The following PPFIA2 variants were observed in gnomAD, a reference collection of about 807,000 sequenced individuals.
The protein encoded by PPFIA2 is PPFI scaffold protein A2, also known as liprin-alpha-2.
A neutral mutation model predicts 175.5 loss-of-function variants in PPFIA2; 46 were observed. The ratio of observed to expected loss-of-function variants is 0.26; its 90% CI spans 0.21 to 0.34. The LOEUF is 0.34. Ranked by LOEUF, PPFIA2 falls within the 10% of genes least tolerant of loss-of-function variation. The probability of loss-of-function intolerance (pLI) is 1.00; values close to 1 mark genes in which losing one functional copy is unlikely to be tolerated. For missense variants in PPFIA2, 1,179 were observed against 1,506.1 expected, an observed-to-expected ratio of 0.78 and a Z score of 3.60; for synonymous variants, 568 against 511.4, an observed-to-expected ratio of 1.11 and a Z score of -1.49.
chr12:81,737,015 T>C (rs1473694267), intron 3 of PPFIA2, among the ~76,000 whole-genome samples: 1 of 152,004 alleles, frequency 6.6e-6, no homozygotes, highest in Non-Finnish European at 1.5e-5. Flanking sequence ...CTTCCAGGAA[T>C]GGCAGACTGT....
At position 81,299,303 on chromosome 12, in the gene PPFIA2, C is replaced by G; in HGVS notation, c.2722G>C (p.Glu908Gln). 2 of 1,591,566 alleles carry G rather than the reference C, an allele frequency of 1.3e-6. No individual in the cohort carries two copies. The highest frequency in any genetic ancestry group is 1.7e-6 in the Non-Finnish European group (2 of 1,168,112). Reference protein sequence around the residue: ...WDGPTVVAWLELWLGMPAWYV... With the variant: ...WDGPTVVAWLQLWLGMPAWYV... ...GCCTCCTAGTTTCATTCTCTTACCTCTAGCCATGCGACCACAGTTGGCCCA... is the reference window on the plus strand; with the variant it reads ...GCCTCCTAGTTTCATTCTCTTACCTGTAGCCATGCGACCACAGTTGGCCCA... Residue 908 changes from glutamate to glutamine, a missense_variant and splice_region_variant, in exon 23 of 33, where the codon GAG (glutamate) becomes CAG (glutamine). Physicochemically the swap from Glu to Gln is conservative, Grantham distance 29. This residue lies in a region of PPFIA2 where 44 missense variants were observed against 81.3 expected (regional missense o/e 0.54). Transcript: ENST00000549396.
chr12:81,576,514 A>AT (rs2153421916), intron 4 of PPFIA2, among the ~76,000 whole-genome samples: 1 of 151,764 alleles, frequency 6.6e-6, no homozygotes, highest in African/African-American at 2.4e-5. Context: ...TACTTATTCT[A>AT]TTTTTACTGT....
chr12:81,757,241 A>G (rs1273456849), intron 2 of PPFIA2, among the ~76,000 whole-genome samples: 4 of 152,180 alleles, frequency 2.6e-5, no homozygotes, highest in African/African-American at 9.6e-5. Flanking sequence ...CCGGAAGGCT[A>G]TGGTCATTCA....
intron 2 of PPFIA2, among the ~76,000 whole-genome samples, chr12:81,757,596 A>G (rs1374126783): frequency 6.6e-6 from 1 of 152,146 alleles, no homozygotes; most frequent in Non-Finnish European, 1.5e-5. Context: ...ATATCAGGAA[A>G]ATAACTCCTT....
intron 8 of PPFIA2, among the ~76,000 whole-genome samples, chr12:81,387,558 G>A (rs2039257345): frequency 6.6e-6 from 1 of 152,124 alleles, no homozygotes; most frequent in African/African-American, 2.4e-5. Context: ...AATTAAAAGA[G>A]CAGAGAAAGA....
chr12:81,368,768 A>T lies in PPFIA2; in HGVS notation c.1439T>A (p.Leu480Gln). 6.2e-7 allele frequency: 1 copy of T among 1,610,732 alleles called. No homozygotes were observed. The change falls in exon 13 of 33, where the codon CTA becomes CAA. Residue 480 changes from leucine (L) to glutamine (Q), a missense_variant. This residue lies in a region of PPFIA2 where 66 missense variants were observed against 129.4 expected (regional missense o/e 0.51). Coordinates refer to ENST00000549396, the MANE Select transcript of PPFIA2 (RefSeq NM_003625.5). ...CATTCTTTCCTTTAAGTGTAGTTGT[A>T]GGCGTTCATTGGATTCAGTCAGAAG... ...DRLLTESNERLQLHLKERMAA... is the reference protein window; with the variant it reads ...DRLLTESNERQQLHLKERMAA...
At chr12:81,473,311 A>G (rs1006650005) in intron 4 of PPFIA2, among the ~76,000 whole-genome samples, 2 of 152,130 alleles carry the variant, frequency 1.3e-5, no homozygotes, top group East Asian at 1.9e-4. Flanking sequence ...AGGGAGGCTG[A>G]GGCACAAGAA....
rs775465390 is a variant in PPFIA2, at chr12:81,674,485, C to G, written c.303+2306G>C. Among the ~76,000 whole-genome samples the G allele has an allele frequency of 7.9e-5, 12 of 151,980 alleles. 2 individuals are homozygous for G. The Middle Eastern group carries it at 0.034, about 431-fold the overall frequency. On this transcript the variant is annotated intron_variant, in intron 4 of 32. Transcript: ENST00000549396. ...GAGTTCAAGACCAGCCTGACCAACA[C>G]GGTGAAACCCTGTATCTACTAGAAA...
intron 4 of PPFIA2, among the ~76,000 whole-genome samples, chr12:81,458,264 G>C (rs964192742): frequency 2.0e-5 from 3 of 151,350 alleles, no homozygotes; most frequent in Admixed American, 6.6e-5. Flanking sequence ...CAGAACAACC[G>C]CAAAAAACCC....
chr12:81,558,837 G>T (rs1334321023), intron 4 of PPFIA2, among the ~76,000 whole-genome samples: 2 of 152,136 alleles, frequency 1.3e-5, no homozygotes, highest in Admixed American at 6.5e-5. Context: ...TTACGAATAT[G>T]TGTGTTTTTC....
intron 4 of PPFIA2, among the ~76,000 whole-genome samples, chr12:81,608,255 A>C (rs1301492821): frequency 6.6e-6 from 1 of 151,486 alleles, no homozygotes; most frequent in African/African-American, 2.4e-5. Flanking sequence ...CTGTAGTTTT[A>C]TTTCTTTGTT....
At chr12:81,610,415 TTTCATAGAGGTTTTG>T (rs1190548270) in intron 4 of PPFIA2, among the ~76,000 whole-genome samples, 3 of 152,226 alleles carry the variant, frequency 2.0e-5, no homozygotes, top group African/African-American at 7.2e-5. Flanking sequence ...TAATCCCATA[TTTCATAGAGGTTTTG>T]TTCATTTTTC....
chr12:81,450,998 A>G (rs1377280990), intron 5 of PPFIA2, among the ~76,000 whole-genome samples: 1 of 152,154 alleles, frequency 6.6e-6, no homozygotes, highest in Admixed American at 6.5e-5. Context: ...CTATGGATCC[A>G]TGTATGTAAG....
chr12:81,502,560 G>A (rs1302035801), intron 4 of PPFIA2, among the ~76,000 whole-genome samples: 3 of 152,142 alleles, frequency 2.0e-5, no homozygotes, highest in African/African-American at 7.2e-5. Flanking sequence ...CATGTAGTGG[G>A]AGAAAATGTA....
intron 21 of PPFIA2, among the ~76,000 whole-genome samples, chr12:81,330,643 C>A (rs1298331266): frequency 5.3e-5 from 8 of 152,154 alleles, no homozygotes; most frequent in Non-Finnish European, 1.0e-4. Context: ...TTGACAAACC[C>A]ATATTGCAAG....
chr12:81,495,401 TA>T (rs1341195010), intron 4 of PPFIA2, among the ~76,000 whole-genome samples: 1 of 152,168 alleles, frequency 6.6e-6, no homozygotes, highest in East Asian at 1.9e-4. Context: ...TTATTTTGCC[TA>T]AATTGTAGTT....
At chr12:81,559,777 C>A (rs1194577760) in intron 4 of PPFIA2, among the ~76,000 whole-genome samples, 3 of 150,480 alleles carry the variant, frequency 2.0e-5, no homozygotes, top group African/African-American at 7.3e-5. Context: ...TTTTTCTTAC[C>A]CAATGCTTTT....
intron 8 of PPFIA2, among the ~76,000 whole-genome samples, chr12:81,395,114 T>G (rs1468540098): frequency 2.0e-5 from 3 of 152,026 alleles, no homozygotes; most frequent in Non-Finnish European, 2.9e-5. Flanking sequence ...CTCTTAGAAC[T>G]AATAGTTTTG....
chr12:81,454,834 T>G (rs1039563155), intron 5 of PPFIA2, among the ~76,000 whole-genome samples: 4 of 152,060 alleles, frequency 2.6e-5, no homozygotes, highest in African/African-American at 9.7e-5. Context: ...TATTTTATTT[T>G]CTTTTATATA....
Sources: allele counts gnomAD v4.1 joint callset (sites outside exome capture counted in the v4.1 genomes callset), GRCh38; gene constraint gnomAD v4.1.1; regional missense constraint gnomAD v4.1.1; transcripts MANE v1.5; gene names NCBI Gene and HGNC (gene_info 2026-07-23, HGNC 2026-07-21).